Variants in SH3PXD2A observed in about 807,000 individuals in gnomAD.
The protein encoded by SH3PXD2A is SH3 and PX domains 2A.
A neutral mutation model predicts 115.2 loss-of-function variants in SH3PXD2A; 32 were observed. The ratio of observed to expected loss-of-function variants is 0.28; its 90% CI spans 0.21 to 0.37. The LOEUF is 0.37. SH3PXD2A is among the 10% of genes least tolerant of loss of function. The pLI is 1.00. For missense variants in SH3PXD2A, 1,328 were observed against 1,498.7 expected, an observed-to-expected ratio of 0.89 and a Z score of 1.88; for synonymous variants, 610 against 629.1, an observed-to-expected ratio of 0.97 and a Z score of 0.45.
chr10:103,816,992 G>T (rs183495753), intron 1 of SH3PXD2A, among the ~76,000 whole-genome samples: 12 of 131,248 alleles, frequency 9.1e-5, no homozygotes, highest in African/African-American at 3.3e-4. Context: ...CAACACACCC[G>T]GCTAATTTTT....
chr10:103,715,529 G>A (rs1382599040), intron 5 of SH3PXD2A, among the ~76,000 whole-genome samples: 1 of 152,186 alleles, frequency 6.6e-6, no homozygotes, highest in Non-Finnish European at 1.5e-5. Context: ...GAAAAGGAAG[G>A]GAGTAGGAGG....
At chr10:103,604,857 G>C (rs1282631188) in intron 14 of SH3PXD2A, among the ~76,000 whole-genome samples, 1 of 152,216 alleles carries the variant, frequency 6.6e-6, no homozygotes, top group Admixed American at 6.5e-5. Flanking sequence ...TCAGTACAGA[G>C]AGAATGATTT....
rs138852877 is a variant in SH3PXD2A at position 103,798,860 on chromosome 10, AG to A, written c.153+2421del. 2.6e-3 allele frequency among the ~76,000 whole-genome samples: 396 copies of A among 152,278 alleles called. 5 individuals carry two copies. Among genetic ancestry groups the A allele is most frequent in the African/African-American group, 9.3e-3 (385 of 41,566 alleles). On this transcript the variant is annotated intron_variant, in intron 2 of 14. Coordinates refer to ENST00000369774, the MANE Select transcript of SH3PXD2A (RefSeq NM_001394015.1). ...GCTCACCACAGAGTGACGCCAAGTG[AG>A]GGAAGCCACAAAGCAACATCAGTGA...
intron 3 of SH3PXD2A, among the ~76,000 whole-genome samples, chr10:103,763,447 C>T (rs2134220319): frequency 6.6e-6 from 1 of 152,318 alleles, no homozygotes; most frequent in East Asian, 1.9e-4. Flanking sequence ...TCAGGTGAGG[C>T]AAAGGGCTGG....
At chr10:103,606,380 T>TA (rs1486733890) in intron 13 of SH3PXD2A, among the ~76,000 whole-genome samples, 1 of 128,298 alleles carries the variant, frequency 7.8e-6, no homozygotes, top group Non-Finnish European at 1.5e-5. Flanking sequence ...TGGTTAATTT[T>TA]TTTTTTTTTT....
intron 13 of SH3PXD2A, 54 bp downstream of exon 13, chr10:103,611,527 A>C: frequency 1.8e-5 from 26 of 1,431,214 alleles, no homozygotes; most frequent in Non-Finnish European, 2.3e-5. Context: ...TCGGGTGGCT[A>C]TAGCGCATTC....
chr10:103,716,578 C>T (rs2038107417), intron 5 of SH3PXD2A, among the ~76,000 whole-genome samples: 1 of 152,184 alleles, frequency 6.6e-6, no homozygotes, highest in Non-Finnish European at 1.5e-5. Context: ...AGGGTGAGAG[C>T]AGGAAGTGGG....
At chr10:103,724,006 A>G (rs2038211629) in intron 5 of SH3PXD2A, among the ~76,000 whole-genome samples, 1 of 152,202 alleles carries the variant, frequency 6.6e-6, no homozygotes, top group Non-Finnish European at 1.5e-5. Context: ...TGTGAGCCAG[A>G]AAGAGTTTGT....
At position 103,746,876 on chromosome 10, in the gene SH3PXD2A, A is replaced by T. The variant is rs535692638; in HGVS notation, c.230-11068T>A. The T allele has an allele frequency of 3.9e-5, 6 of 152,228 alleles. No individual in the cohort carries two copies. The highest frequency in any genetic ancestry group is 8.8e-5 in the Non-Finnish European group (6 of 68,110). The allele number at this position is 152,228 out of a possible 1,614,324, so 9.4% of individuals were successfully genotyped here. On this transcript the variant is annotated intron_variant, in intron 3 of 14. Coordinates refer to ENST00000369774, the MANE Select transcript of SH3PXD2A (RefSeq NM_001394015.1). The surrounding 1 kb of genome is among the most constrained non-coding windows in gnomAD (Gnocchi z 4.4). Reference sequence around the variant, plus strand: ...GCCCAGCCATTGCCTTGCATCCCTCATTGGGAGGCCTTTGGTGGCCATGTG... The same window carrying T: ...GCCCAGCCATTGCCTTGCATCCCTCTTTGGGAGGCCTTTGGTGGCCATGTG...
chr10:103,736,818 T>C, intron 3 of SH3PXD2A: 3 of 1,285,884 alleles, frequency 2.3e-6, no homozygotes, highest in Non-Finnish European at 3.0e-6. Flanking sequence ...TCAGTCTACC[T>C]AATTTCCCCC....
rs551328719 is a variant in SH3PXD2A at position 103,607,279 on chromosome 10, T to C, written c.1309-1362A>G. Among the ~76,000 whole-genome samples, 35 of 148,158 alleles carry C rather than the reference T, an allele frequency of 2.4e-4. 1 individual carries two copies. The East Asian group carries it at 6.5e-3, about 27-fold the overall frequency. ...CCTGGCAACCGCCCCGTCTGAGAAG[T>C]GAGGAGCCCCTCCGCCCGGCAGCCG... is the stretch of plus-strand genomic sequence containing the variant. On this transcript the variant is annotated intron_variant, in intron 13 of 14. Coordinates refer to ENST00000369774, the MANE Select transcript of SH3PXD2A (RefSeq NM_001394015.1).
At chr10:103,607,309 G>A (rs1474403235) in intron 13 of SH3PXD2A, among the ~76,000 whole-genome samples, 17 of 151,446 alleles carry the variant, frequency 1.1e-4, no homozygotes, top group Non-Finnish European at 1.8e-4. Context: ...CAGCCGCCCC[G>A]TCTGAGAAGT....
intron 1 of SH3PXD2A, among the ~76,000 whole-genome samples, chr10:103,818,914 A>G (rs148596318): frequency 0.012 from 1,805 of 152,016 alleles, 27 homozygotes; most frequent in South Asian, 0.072. Flanking sequence ...AGCACTGGAG[A>G]CTCAGATGGC....
At chr10:103,630,036 G>A (rs1223489002) in intron 8 of SH3PXD2A, among the ~76,000 whole-genome samples, 1 of 152,222 alleles carries the variant, frequency 6.6e-6, no homozygotes, top group African/African-American at 2.4e-5. Flanking sequence ...TTGCCTGAAG[G>A]TGGCTGGGGG....
chr10:103,607,438 C>T (rs1305280796), intron 13 of SH3PXD2A, among the ~76,000 whole-genome samples: 2 of 146,754 alleles, frequency 1.4e-5, no homozygotes, highest in African/African-American at 2.5e-5. Context: ...CCGCCCTGTC[C>T]GGGAGGTGAG....
chr10:103,810,982 ACGG>A (rs2039264603), intron 1 of SH3PXD2A, among the ~76,000 whole-genome samples: 1 of 143,482 alleles, frequency 7.0e-6, no homozygotes, highest in African/African-American at 2.5e-5. Flanking sequence ...ACACACACAC[ACGG>A]CAGTGGTGGA....
In SH3PXD2A at chr10:103,620,064, A is replaced by G. The variant is rs2036580383; in HGVS notation, c.802+2406T>C. Among the ~76,000 whole-genome samples the G allele has an allele frequency of 6.6e-6, 1 of 152,226 alleles. No homozygotes were observed. Among genetic ancestry groups the G allele is most frequent in the South Asian group, 2.1e-4 (1 of 4,832 alleles). ...AGGAAGAGAGACTTGCCTGGGCCAC[A>G]AACCCCATCTGGGGGCGCCAGACAA... On this transcript the variant is annotated intron_variant, in intron 10 of 14. Coordinates refer to ENST00000369774, the MANE Select transcript of SH3PXD2A (RefSeq NM_001394015.1). This position sits in a 1 kb window ranked among gnomAD's most constrained non-coding sequence, Gnocchi z 5.3.
At chr10:103,719,628 C>T (rs2038153815) in intron 5 of SH3PXD2A, among the ~76,000 whole-genome samples, 1 of 151,604 alleles carries the variant, frequency 6.6e-6, no homozygotes, top group African/African-American at 2.4e-5. Flanking sequence ...GAGGGGCCAA[C>T]AATAAACACA....
At chr10:103,818,520 C>T (rs1224089181) in intron 1 of SH3PXD2A, among the ~76,000 whole-genome samples, 1 of 152,190 alleles carries the variant, frequency 6.6e-6, no homozygotes, top group Non-Finnish European at 1.5e-5. Flanking sequence ...GAACTGATTC[C>T]TAAAATATCC....
Sources: gnomAD v4.1 joint callset for allele counts (sites outside exome capture counted in the v4.1 genomes callset) on GRCh38, gnomAD v4.1.1 for gene constraint, Gnocchi (gnomAD v3.1) non-coding constraint, MANE v1.5 for transcripts, NCBI Gene and HGNC (gene_info 2026-07-23, HGNC 2026-07-21) for gene names.